The following SNX9 variants were observed in gnomAD, a reference collection of about 807,000 sequenced individuals.
SNX9 encodes the protein sorting nexin-9.
Under a neutral mutation model 89.4 loss-of-function variants are expected in SNX9, and 44 were observed. The ratio of observed to expected loss-of-function variants is 0.49; its 90% CI spans 0.39 to 0.63. SNX9 has a LOEUF of 0.63. Ranked by LOEUF, SNX9 falls within the 30% of genes least tolerant of loss-of-function variation. The probability of loss-of-function intolerance (pLI) is 0.00; values close to 1 mark genes in which losing one functional copy is unlikely to be tolerated. For synonymous variants in SNX9, 236 were observed against 247.8 expected (o/e 0.95, Z 0.45); for missense variants, 578 against 736.1 (o/e 0.79, Z 2.49).
At chr6:157,914,379 A>G (rs1360948224) in intron 9 of SNX9, among the ~76,000 whole-genome samples, 1 of 149,778 alleles carries the variant, frequency 6.7e-6, no homozygotes, top group Non-Finnish European at 1.5e-5. Flanking sequence ...TAAAATATAT[A>G]TATGTATTTT....
In SNX9 at chr6:157,823,970, C is replaced by T. The variant is rs1781292377; in HGVS notation, c.12+524C>T. Among the ~76,000 whole-genome samples the T allele has an allele frequency of 6.6e-6, 1 of 152,166 alleles. No homozygotes were observed. The stretch of plus-strand genomic sequence containing the variant: ...CGGGGGCTCGCGGCCGGGGAGGGAC[C>T]GAGGCTGGGACGCCCCGCGCCCCTT... On this transcript the variant is annotated intron_variant, in intron 1 of 17. Coordinates refer to ENST00000392185, the MANE Select transcript of SNX9 (RefSeq NM_016224.5). The surrounding 1 kb of genome is among the most constrained non-coding windows in gnomAD (Gnocchi z 4.6).
At chr6:157,927,259 C>T in intron 11 of SNX9, 45 bp downstream of exon 11, 2 of 1,370,370 alleles carry the variant, frequency 1.5e-6, no homozygotes, top group Non-Finnish European at 2.1e-6. Context: ...TCCGCACCCT[C>T]CTCCTTTGGC....
Position 157,876,950 on chromosome 6 carries a change from G to GT in SNX9, c.300+1776dup, listed in dbSNP as rs1782533193. On this transcript the variant is annotated intron_variant, in intron 4 of 17. Coordinates refer to ENST00000392185, the MANE Select transcript of SNX9 (RefSeq NM_016224.5). ...AGCCAAGCCAGTTGAGATTCACTGA[G>GT]TTATACAGAAGCACCCATGAAATGG... Among the ~76,000 whole-genome samples the GT allele has an allele frequency of 7.9e-5, 12 of 152,362 alleles. 1 individual carries two copies. The highest frequency in any genetic ancestry group is 7.8e-4 in the Admixed American group (12 of 15,310).
chr6:157,865,392 A>T (rs537716246), intron 1 of SNX9, among the ~76,000 whole-genome samples: 7 of 150,458 alleles, frequency 4.7e-5, no homozygotes, highest in African/African-American at 1.7e-4. Context: ...AATTCTGTCC[A>T]CTTTTGCAGC....
chr6:157,876,316 G>A lies in SNX9; in HGVS notation c.300+1140G>A, dbSNP rs566126701. Among the ~76,000 whole-genome samples, 27 of 152,260 alleles carry A rather than the reference G, an allele frequency of 1.8e-4. No individual in the cohort carries two copies. The East Asian group carries it at 4.8e-3, about 27-fold the overall frequency. On this transcript the variant is annotated intron_variant, in intron 4 of 17. Coordinates refer to ENST00000392185, the MANE Select transcript of SNX9 (RefSeq NM_016224.5). ...AAAATACAAAAATTAGCTAGGTGTG[G>A]TGGCAGGCACCTGTAATCCAAGCTG... is the stretch of plus-strand genomic sequence containing the variant.
chr6:157,942,647 G>A (rs3749845), intron 17 of SNX9, 144 bp from the exon 18 acceptor site: 8 of 819,876 alleles, frequency 9.8e-6, no homozygotes, highest in South Asian at 1.7e-5. Flanking sequence ...CAGCAGCAAC[G>A]CGGGGCAGGG....
intron 9 of SNX9, among the ~76,000 whole-genome samples, chr6:157,915,879 G>A (rs915440295): frequency 6.7e-6 from 1 of 149,458 alleles, no homozygotes; most frequent in Non-Finnish European, 1.5e-5. Context: ...TATTGTAAAT[G>A]GTACTGTTTT....
chr6:157,852,576 A>G (rs1168285245), intron 1 of SNX9, among the ~76,000 whole-genome samples: 2 of 147,578 alleles, frequency 1.4e-5, no homozygotes, highest in Non-Finnish European at 3.0e-5. Context: ...CCTATGTGCT[A>G]CTTTTTTGTT....
At chr6:157,845,780 C>A (rs1295263053) in intron 1 of SNX9, among the ~76,000 whole-genome samples, 1 of 152,078 alleles carries the variant, frequency 6.6e-6, no homozygotes, top group Non-Finnish European at 1.5e-5. Context: ...ATGGCTGGTT[C>A]CTGTGGTTGC....
At chr6:157,923,120 A>G (rs1196033565) in intron 10 of SNX9, among the ~76,000 whole-genome samples, 1 of 152,212 alleles carries the variant, frequency 6.6e-6, no homozygotes, top group African/African-American at 2.4e-5. Context: ...TAAAAGTGGT[A>G]TAAGAGAAAA....
intron 2 of SNX9, among the ~76,000 whole-genome samples, chr6:157,872,023 G>A (rs1165849091): frequency 6.6e-6 from 1 of 152,022 alleles, no homozygotes; most frequent in African/African-American, 2.4e-5. Context: ...TGGTCAGAAA[G>A]TGACAAAAGT....
intron 1 of SNX9, among the ~76,000 whole-genome samples, chr6:157,833,658 C>T (rs1383275664): frequency 6.6e-6 from 1 of 152,182 alleles, no homozygotes; most frequent in African/African-American, 2.4e-5. Context: ...TGTGCCTTCT[C>T]CCTCAGGAGC....
intron 1 of SNX9, among the ~76,000 whole-genome samples, chr6:157,824,067 T>TAAA (rs1781295022): frequency 1.3e-5 from 2 of 152,348 alleles, no homozygotes; most frequent in African/African-American, 4.8e-5. Flanking sequence ...CCGGCATGAA[T>TAAA]AAAATATCAA....
chr6:157,843,700 T>G (rs1641495226), intron 1 of SNX9, among the ~76,000 whole-genome samples: 1 of 152,162 alleles, frequency 6.6e-6, no homozygotes, highest in South Asian at 2.1e-4. Flanking sequence ...ACAGCTATGG[T>G]CTTTGTGTAC....
chr6:157,940,997 T>G (rs1784025310), intron 17 of SNX9, 23 bp downstream of exon 17: 2 of 1,602,136 alleles, frequency 1.2e-6, no homozygotes, highest in Non-Finnish European at 1.7e-6. Flanking sequence ...CCACGTGCCT[T>G]TCGCATGTGC....
At chr6:157,935,258 A>G (rs1374291473) in intron 13 of SNX9, among the ~76,000 whole-genome samples, 2 of 152,218 alleles carry the variant, frequency 1.3e-5, no homozygotes, top group East Asian at 1.9e-4. Context: ...TAGAAATAGA[A>G]TAGCACCATT....
At chr6:157,853,629 C>T (rs772803495) in intron 1 of SNX9, among the ~76,000 whole-genome samples, 13 of 152,112 alleles carry the variant, frequency 8.5e-5, no homozygotes, top group Non-Finnish European at 1.6e-4. Context: ...GTCTGGTTCC[C>T]TTACTATCCG....
At chr6:157,926,000 C>T (rs1189824854) in intron 10 of SNX9, among the ~76,000 whole-genome samples, 1 of 152,204 alleles carries the variant, frequency 6.6e-6, no homozygotes. Context: ...GGGACAAACC[C>T]CCTCCATCAA....
intron 7 of SNX9, 141 bp from the exon 8 acceptor site, chr6:157,909,523 AT>A: frequency 1.0e-6 from 1 of 979,252 alleles, no homozygotes; most frequent in Non-Finnish European, 1.5e-6. Context: ...CCATTGAACC[AT>A]TTATGTACCT....
Sources: allele counts gnomAD v4.1 joint callset (sites outside exome capture counted in the v4.1 genomes callset), GRCh38; gene constraint gnomAD v4.1.1; non-coding constraint Gnocchi (gnomAD v3.1); transcripts MANE v1.5; gene names NCBI Gene and HGNC (gene_info 2026-07-23, HGNC 2026-07-21).